Variants in USP45 observed in about 807,000 individuals in gnomAD.
USP45 encodes the protein ubiquitin carboxyl-terminal hydrolase 45.
USP45 carries 89 observed loss-of-function variants against 95.8 expected under a neutral mutation model. That is an observed-to-expected ratio of 0.93 (90% CI 0.78 to 1.11). USP45 has a LOEUF of 1.11. Among genes scored for constraint, USP45 ranks in the 50% least tolerant of loss-of-function variants. The pLI, the probability that USP45 is intolerant of heterozygous loss-of-function variation, is 0.00. For synonymous variants in USP45, 281 were observed against 316.2 expected, an observed-to-expected ratio of 0.89 and a Z score of 1.18; for missense variants, 898 against 942.5, an observed-to-expected ratio of 0.95 and a Z score of 0.62.
chr6:99,452,350 C>G (rs1485197485), intron 13 of USP45, among the ~76,000 whole-genome samples: 1 of 152,068 alleles, frequency 6.6e-6, no homozygotes, highest in East Asian at 1.9e-4. Flanking sequence ...ACAACCCCAT[C>G]AAAAAGTGGG....
At chr6:99,483,964 C>T (rs540919109) in intron 7 of USP45, among the ~76,000 whole-genome samples, 1 of 147,918 alleles carries the variant, frequency 6.8e-6, no homozygotes, top group African/African-American at 2.5e-5. Context: ...CCTTAAAAAT[C>T]CACTATAATC....
Position 99,508,591 on chromosome 6 carries a change from T to C in USP45, c.273+19A>G, listed in dbSNP as rs1292755401. ...AAAACATTTCAGACAAACTCACATA[T>C]AAATAATACTTTTCTTACCTGGAAG... On this transcript the variant is annotated intron_variant, in intron 3 of 17. Transcript: ENST00000500704. 1.2e-6 allele frequency: 2 copies of C among 1,602,962 alleles called. No individual in the cohort carries two copies. The highest frequency in any genetic ancestry group is 1.7e-6 in the Non-Finnish European group (2 of 1,175,886).
At chr6:99,440,888 T>C (rs540199896) in intron 15 of USP45, among the ~76,000 whole-genome samples, 60 of 152,324 alleles carry the variant, frequency 3.9e-4, no homozygotes, top group South Asian at 1.9e-3. Context: ...ATTTCAGCTA[T>C]TGTGTTCTCC....
At position 99,432,635 on chromosome 6, in the gene USP45, C is replaced by T. The variant is rs372940089; in HGVS notation, c.*3081G>A. On this transcript the variant is annotated 3_prime_UTR_variant, in exon 18 of 18. Coordinates refer to ENST00000500704, the MANE Select transcript of USP45 (RefSeq NM_001346022.3). Reference sequence around the variant, plus strand: ...TTCATGATTTCTACGTAAACAAAAACATCATAAATATCTAGAAATAATCTT... The same window carrying T: ...TTCATGATTTCTACGTAAACAAAAATATCATAAATATCTAGAAATAATCTT... 59 of 152,182 alleles carry T rather than the reference C, an allele frequency of 3.9e-4. No individual in the cohort carries two copies. Among genetic ancestry groups the T allele is most frequent in the South Asian group, 1.7e-3 (8 of 4,826 alleles). The allele number at this position is 152,182 out of a possible 1,614,324, so 9.4% of individuals were successfully genotyped here.
intron 5 of USP45, among the ~76,000 whole-genome samples, chr6:99,490,347 C>CTT (rs78890143): frequency 2.1e-5 from 3 of 141,834 alleles, no homozygotes; most frequent in African/African-American, 7.7e-5. Context: ...TATTTTTTTT[C>CTT]TTTTTTTTTT....
rs200923384 is a variant in USP45, at chr6:99,446,125, G to C, written c.1647C>G (p.Asp549Glu). 1.2e-6 allele frequency: 2 copies of C among 1,614,080 alleles called. No individual in the cohort carries two copies. Among genetic ancestry groups the C allele is most frequent in the Admixed American group, 1.7e-5 (1 of 60,024 alleles). ...CTTCTGCCATTTCCTTATCACCACT[G>C]TCAGTCTCCTTGGTGTACAGCAGTT... is the stretch of plus-strand genomic sequence containing the variant. ...AGKLLYTKET[D>E]SGDKEMAEAI... Residue 549 changes from aspartate (D) to glutamate (E), a missense_variant, in exon 14 of 18, where the codon GAC becomes GAG. Asp to Glu is a conservative substitution (Grantham distance 45, BLOSUM62 2). Transcript: ENST00000500704.
rs542762223 is a variant in USP45 at position 99,452,709 on chromosome 6, C to T, written c.1309-6246G>A. On this transcript the variant is annotated intron_variant, in intron 13 of 17. Coordinates refer to ENST00000500704, the MANE Select transcript of USP45 (RefSeq NM_001346022.3). ...CCCAAAAGATTATAAATCATGCTGC[C>T]TTAAAGACACATGCACACGTATGTT... Among the ~76,000 whole-genome samples the T allele has an allele frequency of 5.8e-4, 89 of 152,228 alleles. 1 individual carries two copies. The highest frequency in any genetic ancestry group is 1.9e-3 in the African/African-American group (79 of 41,554).
rs761613181 is a variant in USP45 at position 99,464,729 on chromosome 6, A to T, written c.1183T>A (p.Trp395Arg). 1.1e-5 allele frequency: 17 copies of T among 1,608,088 alleles called. No individual in the cohort carries two copies. Reference sequence around the variant, plus strand: ...CTTCTATATTTATTCATTCTTCCCCAAAGTAAAGGTTTTGAAACCTATGTA... The same window carrying T: ...CTTCTATATTTATTCATTCTTCCCCTAAGTAAAGGTTTTGAAACCTATGTA... The part of the protein sequence containing the change: ...IEERVSKPLL[W>R]GRMNKYRSLR... Residue 395 changes from tryptophan (W) to arginine (R), a missense_variant, in exon 13 of 18, where the codon TGG (tryptophan) becomes AGG (arginine). Trp to Arg is a moderately radical substitution (Grantham distance 101). Coordinates refer to ENST00000500704, the MANE Select transcript of USP45 (RefSeq NM_001346022.3).
chr6:99,442,837 T>C (rs903135163), intron 15 of USP45, among the ~76,000 whole-genome samples: 1 of 149,946 alleles, frequency 6.7e-6, no homozygotes, highest in Admixed American at 6.7e-5. Context: ...CAGAGGGAGA[T>C]TCTCTCCTCT....
At chr6:99,513,324 C>T (rs1230917082) in intron 1 of USP45, among the ~76,000 whole-genome samples, 1 of 152,176 alleles carries the variant, frequency 6.6e-6, no homozygotes, top group Non-Finnish European at 1.5e-5. Flanking sequence ...TTCAAATCTT[C>T]TTCACTTTCC....
chr6:99,513,875 T>C (rs1800490897), intron 1 of USP45, among the ~76,000 whole-genome samples: 1 of 152,142 alleles, frequency 6.6e-6, no homozygotes, highest in Non-Finnish European at 1.5e-5. Context: ...CTTTTTATCA[T>C]CAAAATTGTG....
Position 99,488,237 on chromosome 6 carries a change from G to T in USP45, c.677C>A (p.Thr226Lys). ...DLMNEIKESS[T>K]KLKIFPSSDS... ...TGAGGAAGGAAAAATCTTGAGTTTT[G>T]TACTACTTTCTTTGATCTCATTCAT... Residue 226 changes from threonine to lysine, a missense_variant, in exon 7 of 18, where the codon ACA becomes AAA. By Grantham distance (78) the Thr-to-Lys change is moderately conservative. Coordinates refer to ENST00000500704, the MANE Select transcript of USP45 (RefSeq NM_001346022.3). The T allele has an allele frequency of 1.2e-6, 2 of 1,612,550 alleles. No individual in the cohort carries two copies. Among genetic ancestry groups the T allele is most frequent in the East Asian group, 4.5e-5 (2 of 44,768 alleles).
In USP45 at chr6:99,495,516, T is replaced by A. The variant is rs192992381; in HGVS notation, c.479-6696A>T. Among the ~76,000 whole-genome samples the A allele has an allele frequency of 1.7e-3, 261 of 152,322 alleles. 1 individual carries two copies. The highest frequency in any genetic ancestry group is 2.8e-3 in the Non-Finnish European group (192 of 68,020). ...CTGATAACTGTCCCCATTTTAGAAC[T>A]GAAGCATTTCAAAGATGAAACTGAG... On this transcript the variant is annotated intron_variant, in intron 5 of 17. Coordinates refer to ENST00000500704, the MANE Select transcript of USP45 (RefSeq NM_001346022.3).
intron 4 of USP45, among the ~76,000 whole-genome samples, chr6:99,506,099 T>C (rs1021839067): frequency 6.6e-6 from 1 of 152,224 alleles, no homozygotes; most frequent in Non-Finnish European, 1.5e-5. Flanking sequence ...GTATTAAAGA[T>C]GATGACCTCT....
chr6:99,493,681 T>G (rs1795683794), intron 5 of USP45, among the ~76,000 whole-genome samples: 1 of 151,942 alleles, frequency 6.6e-6, no homozygotes, highest in Non-Finnish European at 1.5e-5. Context: ...GTGTTTTTAG[T>G]AGAGATGGGG....
intron 13 of USP45, among the ~76,000 whole-genome samples, chr6:99,449,968 C>T (rs1273190255): frequency 3.9e-5 from 6 of 152,156 alleles, no homozygotes; most frequent in South Asian, 2.1e-4. Flanking sequence ...AATAAAGATG[C>T]TCTTTGAAAC....
intron 13 of USP45, among the ~76,000 whole-genome samples, chr6:99,460,461 G>C (rs936728473): frequency 2.8e-4 from 43 of 152,018 alleles, no homozygotes; most frequent in Non-Finnish European, 1.0e-4. Flanking sequence ...GTTTTACTTG[G>C]ACTTTAAAAC....
At chr6:99,500,217 C>T (rs898358682) in intron 5 of USP45, among the ~76,000 whole-genome samples, 14 of 151,110 alleles carry the variant, frequency 9.3e-5, no homozygotes, top group South Asian at 6.3e-4. Context: ...CTCCGCCTCC[C>T]GGGTTCAAAC....
chr6:99,481,972 C>T (rs982928130), intron 8 of USP45, among the ~76,000 whole-genome samples: 3 of 152,208 alleles, frequency 2.0e-5, no homozygotes, highest in Non-Finnish European at 4.4e-5. Context: ...ATGAAACATA[C>T]ACTAAGCCCT....
Sources: allele counts gnomAD v4.1 joint callset (sites outside exome capture counted in the v4.1 genomes callset), GRCh38; gene constraint gnomAD v4.1.1; transcripts MANE v1.5; gene names NCBI Gene and HGNC (gene_info 2026-07-23, HGNC 2026-07-21).